The following ACSS3 variants were observed in gnomAD, a reference collection of about 807,000 sequenced individuals.
The protein encoded by ACSS3 is acyl-CoA synthetase short-chain family member 3, mitochondrial.
ACSS3 carries 64 observed loss-of-function variants against 84.2 expected under a neutral mutation model. The observed-to-expected ratio is 0.76, with a 90% CI of 0.62 to 0.94. The LOEUF (loss-of-function observed/expected upper bound fraction) is 0.94. Ranked by LOEUF, ACSS3 falls within the 40% of genes least tolerant of loss-of-function variation. The pLI is 0.00. For synonymous variants in ACSS3, 317 were observed against 310.1 expected (o/e 1.02, Z -0.23); for missense variants, 815 against 867.6 (o/e 0.94, Z 0.76).
intron 7 of ACSS3, among the ~76,000 whole-genome samples, chr12:81,159,835 C>G (rs1046289236): frequency 1.3e-5 from 2 of 152,224 alleles, no homozygotes; most frequent in Non-Finnish European, 2.9e-5. Flanking sequence ...TGCTCCCTTG[C>G]CTCTCTCTTC....
chr12:81,190,851 TC>T (rs1048454018), intron 8 of ACSS3, among the ~76,000 whole-genome samples: 2 of 152,090 alleles, frequency 1.3e-5, no homozygotes, highest in Admixed American at 1.3e-4. Context: ...ATGTGACTTT[TC>T]CCCCTCTTAT....
rs1418220608 is a variant in ACSS3, at chr12:81,109,667, C to T, written c.419C>T (p.Thr140Ile). Reference sequence around the variant, plus strand: ...ATCTATGACAGTCCTGTTACAAACACTAAAGCAACCTTTACCTATAAAGAA... The same window carrying T: ...ATCTATGACAGTCCTGTTACAAACATTAAAGCAACCTTTACCTATAAAGAA... Reference protein sequence around the residue: ...AIIYDSPVTNTKATFTYKEVL... With the variant: ...AIIYDSPVTNIKATFTYKEVL... The change falls in exon 2 of 16, where the codon ACT becomes ATT. Residue 140 changes from threonine (T) to isoleucine (I), a missense_variant. Thr to Ile is a moderately conservative substitution (Grantham distance 89). Transcript: ENST00000548058. The T allele has an allele frequency of 1.9e-6, 3 of 1,608,864 alleles. No homozygotes were observed. Among genetic ancestry groups the T allele is most frequent in the South Asian group, 2.2e-5 (2 of 89,606 alleles).
intron 5 of ACSS3, 128 bp downstream of exon 5, chr12:81,143,375 A>ATT: frequency 9.5e-7 from 1 of 1,053,128 alleles, no homozygotes; most frequent in Non-Finnish European, 1.3e-6. Context: ...ATTTGCTTTT[A>ATT]TTTTTTTTTC....
chr12:81,227,561 G>A (rs2033313269), intron 11 of ACSS3, among the ~76,000 whole-genome samples: 1 of 151,830 alleles, frequency 6.6e-6, no homozygotes, highest in South Asian at 2.1e-4. Flanking sequence ...TAGAAAGAAT[G>A]AATGAAACAA....
chr12:81,215,681 G>A (rs1404916922), intron 9 of ACSS3, among the ~76,000 whole-genome samples: 1 of 152,116 alleles, frequency 6.6e-6, no homozygotes, highest in Non-Finnish European at 1.5e-5. Context: ...GTAATACTAA[G>A]CAAGTAATTC....
At chr12:81,183,320 A>T (rs900191214) in intron 8 of ACSS3, among the ~76,000 whole-genome samples, 2 of 152,216 alleles carry the variant, frequency 1.3e-5, no homozygotes, top group Non-Finnish European at 2.9e-5. Flanking sequence ...CAACAGATAC[A>T]CAAATGATAA....
At chr12:81,099,269 A>T (rs893756919) in intron 1 of ACSS3, among the ~76,000 whole-genome samples, 4 of 152,148 alleles carry the variant, frequency 2.6e-5, no homozygotes, top group Non-Finnish European at 5.9e-5. Flanking sequence ...ATTTATTTAT[A>T]AATTGTGATG....
At chr12:81,088,784 A>G (rs1418364122) in intron 1 of ACSS3, among the ~76,000 whole-genome samples, 1 of 152,032 alleles carries the variant, frequency 6.6e-6, no homozygotes, top group Non-Finnish European at 1.5e-5. Flanking sequence ...AAAATTTTTT[A>G]ACTCTTCTCC....
intron 10 of ACSS3, 121 bp from the exon 11 acceptor site, chr12:81,219,892 C>T: frequency 2.0e-6 from 1 of 512,358 alleles, no homozygotes; most frequent in Non-Finnish European, 3.1e-6. Context: ...CATGGTCTCA[C>T]AGGAATTAAA....
intron 9 of ACSS3, among the ~76,000 whole-genome samples, chr12:81,200,647 T>C (rs1254217754): frequency 6.6e-6 from 1 of 152,062 alleles, no homozygotes; most frequent in Non-Finnish European, 1.5e-5. Flanking sequence ...TCCTGCACTT[T>C]GGGAAGCAAA....
At chr12:81,153,330 C>A (rs146869232) in intron 7 of ACSS3, among the ~76,000 whole-genome samples, 290 of 151,358 alleles carry the variant, frequency 1.9e-3, no homozygotes, top group African/African-American at 6.8e-3. Flanking sequence ...ATCACTTGAA[C>A]CTGGGAGGTA....
chr12:81,236,195 C>A (rs1486121886), intron 13 of ACSS3, among the ~76,000 whole-genome samples: 1 of 151,362 alleles, frequency 6.6e-6, no homozygotes, highest in Non-Finnish European at 1.5e-5. Context: ...TTATCAAATG[C>A]TTTTTCTGCC....
chr12:81,153,998 A>G (rs1340281218), intron 7 of ACSS3, among the ~76,000 whole-genome samples: 1 of 152,098 alleles, frequency 6.6e-6, no homozygotes, highest in Non-Finnish European at 1.5e-5. Context: ...TTCATATACT[A>G]CTCTGCAGCT....
At chr12:81,200,026 A>C (rs2032028785) in intron 9 of ACSS3, among the ~76,000 whole-genome samples, 1 of 152,206 alleles carries the variant, frequency 6.6e-6, no homozygotes, top group African/African-American at 2.4e-5. Context: ...TTACATATGT[A>C]ATTTGTTCAT....
At chr12:81,216,349 T>C (rs937602487) in intron 9 of ACSS3, among the ~76,000 whole-genome samples, 8 of 152,010 alleles carry the variant, frequency 5.3e-5, no homozygotes, top group African/African-American at 1.9e-4. Flanking sequence ...TACCTAATGC[T>C]AAATGACGAT....
intron 9 of ACSS3, among the ~76,000 whole-genome samples, chr12:81,209,675 A>C (rs2032507421): frequency 6.6e-6 from 1 of 152,304 alleles, no homozygotes; most frequent in East Asian, 1.9e-4. Context: ...AAAGGAAAAA[A>C]AGAGTGCTAC....
At chr12:81,171,129 T>G (rs2030008634) in intron 7 of ACSS3, among the ~76,000 whole-genome samples, 1 of 152,156 alleles carries the variant, frequency 6.6e-6, no homozygotes, top group African/African-American at 2.4e-5. Flanking sequence ...GAATGTATGT[T>G]CCATTAAAGC....
intron 11 of ACSS3, among the ~76,000 whole-genome samples, chr12:81,228,845 G>A (rs1282955674): frequency 6.6e-6 from 1 of 151,590 alleles, no homozygotes; most frequent in African/African-American, 2.4e-5. Flanking sequence ...GTGTGTGGAT[G>A]CTGGTGGACC....
At chr12:81,156,012 C>A (rs562522897) in intron 7 of ACSS3, among the ~76,000 whole-genome samples, 18 of 152,238 alleles carry the variant, frequency 1.2e-4, no homozygotes, top group African/African-American at 4.1e-4. Context: ...GGCCACGAAA[C>A]AAACTTCAAC....
Sources: allele counts gnomAD v4.1 joint callset (sites outside exome capture counted in the v4.1 genomes callset), GRCh38; gene constraint gnomAD v4.1.1; transcripts MANE v1.5; gene names NCBI Gene and HGNC (gene_info 2026-07-23, HGNC 2026-07-21).